The following COTL1 variants were observed in gnomAD, a reference collection of about 807,000 sequenced individuals.
The protein encoded by COTL1 is coactosin like F-actin binding protein 1, also known as coactosin-like protein.
In COTL1, 15 loss-of-function variants were observed where a neutral mutation model predicts 16.5. The observed-to-expected ratio is 0.91, with a 90% CI of 0.61 to 1.40. The LOEUF (loss-of-function observed/expected upper bound fraction) is 1.40, where lower values mean the gene tolerates loss of function less well. COTL1 is among the 40% of genes most tolerant of loss of function. The probability of loss-of-function intolerance (pLI) is 0.00; values close to 1 mark genes in which losing one functional copy is unlikely to be tolerated. For synonymous variants in COTL1, 112 were observed against 85.3 expected (o/e 1.31, Z -1.73); for missense variants, 220 against 201.5 (o/e 1.09, Z -0.56).
At chr16:84,577,994 C>T (rs139912181) in intron 3 of COTL1, among the ~76,000 whole-genome samples, 115 of 152,248 alleles carry the variant, frequency 7.6e-4, no homozygotes, top group African/African-American at 2.6e-3. Flanking sequence ...TTTCTAACTA[C>T]GGCTTCATCT....
intron 2 of COTL1, among the ~76,000 whole-genome samples, chr16:84,597,427 G>A (rs566026768): frequency 6.6e-6 from 1 of 152,334 alleles, no homozygotes; most frequent in South Asian, 2.1e-4. Flanking sequence ...AGCTGCTGAA[G>A]TCCACAGCAG....
chr16:84,590,138 C>T lies in COTL1; in HGVS notation c.285G>A (p.Gly95=), dbSNP rs1238457675. The T allele has an allele frequency of 3.1e-6, 5 of 1,613,988 alleles. No homozygotes were observed. In the South Asian group the frequency reaches 4.4e-5, roughly 14 times the overall value. ...NVSGLQRAKT[G]TDKTLVKEVV... ...CCTCCTTCACCAGGGTCTTGTCCGT[C>T]CCGGTTTTGGCGCGCTGCAGCCCGC... The change falls in exon 3 of 4, where the codon GGG becomes GGA. Residue 95 remains glycine (G), a synonymous_variant. Transcript: ENST00000262428. The surrounding 1 kb of genome is among the most constrained non-coding windows in gnomAD (Gnocchi z 5.5).
In COTL1 at chr16:84,581,502, A is replaced by ATTT. The variant is rs1320863408; in HGVS notation, c.318+8600_318+8602dup. 1.6e-4 allele frequency among the ~76,000 whole-genome samples: 22 copies of ATTT among 135,898 alleles called. No homozygotes were observed. In the East Asian group the frequency reaches 2.0e-3, roughly 12 times the overall value. 89.2% of individuals were successfully genotyped at this position (135,898 alleles called of 152,430 possible). A position where few individuals can be genotyped will look rare whatever the true frequency, so the allele number is the denominator to read the frequency against. On this transcript the variant is annotated intron_variant, in intron 3 of 3. Transcript: ENST00000262428. ...TCAGCTCTCACTCCTGCTTTCTCTAATTTTTTGTTGTTGTTGTTGAGATGG... is the reference window on the plus strand; with the variant it reads ...TCAGCTCTCACTCCTGCTTTCTCTAATTTTTTTTTGTTGTTGTTGTTGAGATGG...
chr16:84,614,902 G>T (rs1905431914), intron 2 of COTL1, among the ~76,000 whole-genome samples: 1 of 152,060 alleles, frequency 6.6e-6, no homozygotes, highest in Admixed American at 6.5e-5. Flanking sequence ...GCCTGCCTGG[G>T]TTCAAGTCCC....
intron 1 of COTL1, 52 bp from the exon 2 acceptor site, chr16:84,617,635 G>A (rs1905531597): frequency 1.3e-6 from 2 of 1,514,310 alleles, no homozygotes; most frequent in Admixed American, 2.0e-5. Flanking sequence ...GCTGGTGGCC[G>A]CGCGACGCGG....
At chr16:84,588,140 C>T (rs1327914553) in intron 3 of COTL1, among the ~76,000 whole-genome samples, 2 of 151,962 alleles carry the variant, frequency 1.3e-5, no homozygotes, top group Non-Finnish European at 2.9e-5. Context: ...CAAGCACTTT[C>T]GGAGGCTGAG....
At chr16:84,607,606 T>C (rs1478649017) in intron 2 of COTL1, among the ~76,000 whole-genome samples, 1 of 152,124 alleles carries the variant, frequency 6.6e-6, no homozygotes, top group African/African-American at 2.4e-5. Context: ...CAGCATCGTG[T>C]GTGTTGGGGA....
At chr16:84,571,040 A>G (rs79138107) in intron 3 of COTL1, among the ~76,000 whole-genome samples, 73 of 151,786 alleles carry the variant, frequency 4.8e-4, no homozygotes, top group Non-Finnish European at 7.6e-4. Flanking sequence ...GACCATGGCC[A>G]TGCTCTAGGC....
Position 84,590,198 on chromosome 16 carries a change from C to T in COTL1, c.225G>A (p.Lys75=). The T allele has an allele frequency of 6.2e-7, 1 of 1,614,226 alleles. No homozygotes were observed. The highest frequency in any genetic ancestry group is 8.5e-7 in the Non-Finnish European group (1 of 1,180,028). Residue 75 remains lysine, a synonymous_variant, in exon 3 of 4, where the codon AAG becomes AAA. Coordinates refer to ENST00000262428, the MANE Select transcript of COTL1 (RefSeq NM_021149.5). The surrounding 1 kb of genome is among the most constrained non-coding windows in gnomAD (Gnocchi z 5.5). ...TTGDAMSKRS[K]FALITWIGEN... ...CACCGATCCACGTGATGAGGGCAAACTTGGACCTCTTGCTCATGGCATCCC... is the reference window on the plus strand; with the variant it reads ...CACCGATCCACGTGATGAGGGCAAATTTGGACCTCTTGCTCATGGCATCCC...
At chr16:84,571,953 T>TTACAA (rs1416752495) in intron 3 of COTL1, among the ~76,000 whole-genome samples, 1 of 152,130 alleles carries the variant, frequency 6.6e-6, no homozygotes, top group African/African-American at 2.4e-5. Context: ...CCCCAGAGGC[T>TTACAA]TACAAAGGTG....
At position 84,565,667 on chromosome 16, in the gene COTL1, AT is replaced by A. The variant is rs1567528566; in HGVS notation, c.*1177del. ...TGCAGAGATGTTCTTTACAATCCCA[AT>A]ACAGTACAGATTTCTTCCCCAAAAC... On this transcript the variant is annotated 3_prime_UTR_variant, in exon 4 of 4. Coordinates refer to ENST00000262428, the MANE Select transcript of COTL1 (RefSeq NM_021149.5). 1 of 152,682 alleles carries A rather than the reference AT, an allele frequency of 6.5e-6. No homozygotes were observed. The highest frequency in any genetic ancestry group is 1.9e-4 in the East Asian group (1 of 5,202). 9.5% of individuals were successfully genotyped at this position (152,682 alleles called of 1,614,324 possible). A position where few individuals can be genotyped will look rare whatever the true frequency, so the allele number is the denominator to read the frequency against.
At chr16:84,576,594 T>C (rs1904458619) in intron 3 of COTL1, 1 of 152,164 alleles carries the variant, frequency 6.6e-6, no homozygotes, top group Non-Finnish European at 1.5e-5. Context: ...AGGCAGTATT[T>C]AATGGCTCTG....
Position 84,590,447 on chromosome 16 carries a change from C to T in COTL1, c.161-185G>A, listed in dbSNP as rs1904836601. 1 of 556,888 alleles carries T rather than the reference C, an allele frequency of 1.8e-6. No individual in the cohort carries two copies. Among genetic ancestry groups the T allele is most frequent in the African/African-American group, 1.9e-5 (1 of 52,634 alleles). 34.5% of individuals were successfully genotyped at this position (556,888 alleles called of 1,614,324 possible). On this transcript the variant is annotated intron_variant, in intron 2 of 3. Coordinates refer to ENST00000262428, the MANE Select transcript of COTL1 (RefSeq NM_021149.5). The surrounding 1 kb of genome is among the most constrained non-coding windows in gnomAD (Gnocchi z 5.5). ...ACTCATCCGCTGCCCTTGTCACACTCCCCTGAATCCTGGCAACAGTGCTGC... is the reference window on the plus strand; with the variant it reads ...ACTCATCCGCTGCCCTTGTCACACTTCCCTGAATCCTGGCAACAGTGCTGC...
At chr16:84,613,428 A>G (rs755251413) in intron 2 of COTL1, among the ~76,000 whole-genome samples, 1 of 152,220 alleles carries the variant, frequency 6.6e-6, no homozygotes, top group African/African-American at 2.4e-5. Context: ...AGAAACCTCC[A>G]AAATCAAAAG....
intron 3 of COTL1, chr16:84,576,027 G>C (rs1904446341): frequency 6.6e-6 from 1 of 152,234 alleles, no homozygotes; most frequent in South Asian, 2.1e-4. Context: ...CAGTCACTCA[G>C]AGTGAAGACA....
intron 3 of COTL1, among the ~76,000 whole-genome samples, chr16:84,588,119 G>A (rs1214809484): frequency 6.6e-6 from 1 of 151,982 alleles, no homozygotes; most frequent in Admixed American, 6.6e-5. Flanking sequence ...TGGGCGTGGT[G>A]GCCTATAATC....
intron 2 of COTL1, among the ~76,000 whole-genome samples, chr16:84,606,005 G>A (rs1018477512): frequency 1.3e-5 from 2 of 152,214 alleles, no homozygotes; most frequent in African/African-American, 2.4e-5. Context: ...AAGAATAAGT[G>A]CATGAAGAAA....
At chr16:84,577,291 C>G (rs1904475556) in intron 3 of COTL1, among the ~76,000 whole-genome samples, 1 of 152,218 alleles carries the variant, frequency 6.6e-6, no homozygotes, top group Non-Finnish European at 1.5e-5. Context: ...ACTGCCCAGT[C>G]TGGAGTACAG....
In COTL1 at chr16:84,590,141, G is replaced by A. The variant is rs201555655; in HGVS notation, c.282C>T (p.Thr94=). ...CCTTCACCAGGGTCTTGTCCGTCCC[G>A]GTTTTGGCGCGCTGCAGCCCGCTGA... is the stretch of plus-strand genomic sequence containing the variant. ...ENVSGLQRAK[T]GTDKTLVKEV... The change falls in exon 3 of 4, where the codon ACC becomes ACT. Residue 94 remains threonine, a synonymous_variant. Transcript: ENST00000262428. The surrounding 1 kb of genome is among the most constrained non-coding windows in gnomAD (Gnocchi z 5.5). The A allele has an allele frequency of 9.9e-6, 16 of 1,613,898 alleles. No individual in the cohort carries two copies. The East Asian group carries it at 1.6e-4, about 16-fold the overall frequency.
Sources: gnomAD v4.1 joint callset for allele counts (sites outside exome capture counted in the v4.1 genomes callset) on GRCh38, gnomAD v4.1.1 for gene constraint, Gnocchi (gnomAD v3.1) non-coding constraint, MANE v1.5 for transcripts, NCBI Gene and HGNC (gene_info 2026-07-23, HGNC 2026-07-21) for gene names.